PLCG2: variants seen among roughly 807,000 people sequenced by gnomAD.
The protein encoded by PLCG2 is 1-phosphatidylinositol 4,5-bisphosphate phosphodiesterase gamma-2.
A neutral mutation model predicts 175.6 loss-of-function variants in PLCG2; 69 were observed. The ratio of observed to expected loss-of-function variants is 0.39; its 90% CI spans 0.32 to 0.48. The LOEUF is 0.48. Ranked by LOEUF, PLCG2 falls within the 20% of genes least tolerant of loss-of-function variation. The pLI, the probability that PLCG2 is intolerant of heterozygous loss-of-function variation, is 0.91. For missense variants in PLCG2, 1,798 were observed against 1,650.9 expected, an observed-to-expected ratio of 1.09 and a Z score of -1.54; for synonymous variants, 827 against 624.0, an observed-to-expected ratio of 1.33 and a Z score of -4.85.
chr16:81,760,276 T>G (rs1034428046), intron 2 of PLCG2, among the ~76,000 whole-genome samples: 1 of 152,190 alleles, frequency 6.6e-6, no homozygotes, highest in African/African-American at 2.4e-5. Flanking sequence ...CAGTGCCCAC[T>G]GCCAGGACTG....
At chr16:81,901,098 T>C (rs1322529979) in intron 14 of PLCG2, among the ~76,000 whole-genome samples, 1 of 152,252 alleles carries the variant, frequency 6.6e-6, no homozygotes, top group East Asian at 1.9e-4. Flanking sequence ...CGTTAAGTGC[T>C]AACCTGTTAT....
intron 2 of PLCG2, among the ~76,000 whole-genome samples, chr16:81,763,834 G>A (rs554956219): frequency 7.6e-4 from 116 of 151,954 alleles, no homozygotes; most frequent in Admixed American, 1.2e-3. Flanking sequence ...GGGCGTGGTG[G>A]CAGGCACTTG....
intron 7 of PLCG2, among the ~76,000 whole-genome samples, chr16:81,872,058 G>C (rs1907542663): frequency 6.6e-6 from 1 of 152,212 alleles, no homozygotes; most frequent in South Asian, 2.1e-4. Flanking sequence ...GCCAGGTGCA[G>C]TGGTTGACGC....
intron 7 of PLCG2, among the ~76,000 whole-genome samples, chr16:81,875,927 C>G (rs1907759984): frequency 6.6e-6 from 1 of 151,176 alleles, no homozygotes; most frequent in Non-Finnish European, 1.5e-5. Flanking sequence ...AGAGATCTTG[C>G]AGTTTATTCT....
chr16:81,905,422 G>A lies in PLCG2; in HGVS notation c.1382G>A (p.Arg461Gln), dbSNP rs3935625. The change falls in exon 15 of 33, where the codon CGA (arginine) becomes CAA (glutamine). Residue 461 changes from arginine to glutamine, a missense_variant. Arg to Gln is a conservative substitution (Grantham distance 43). Coordinates refer to ENST00000564138, the MANE Select transcript of PLCG2 (RefSeq NM_002661.5). Reference protein sequence around the residue: ...IIIKHKKLGPRGDVDVNMEDK... With the variant: ...IIIKHKKLGPQGDVDVNMEDK... ...CCTCAGCATAAGAAGCTGGGCCCCC[G>A]AGGCGATGTGGATGTCAACATGGAG... The A allele has an allele frequency of 3.7e-6, 6 of 1,613,990 alleles. No homozygotes were observed. The highest frequency in any genetic ancestry group is 1.3e-5 in the African/African-American group (1 of 75,050).
At chr16:81,919,294 G>C (rs1307474159) in intron 19 of PLCG2, among the ~76,000 whole-genome samples, 190 bp from the exon 20 acceptor site, 1 of 152,170 alleles carries the variant, frequency 6.6e-6, no homozygotes, top group Non-Finnish European at 1.5e-5. Context: ...GATTCTTCTA[G>C]ATCTGTTTTG....
chr16:81,868,050 C>G (rs1479838826), intron 5 of PLCG2, among the ~76,000 whole-genome samples: 1 of 152,204 alleles, frequency 6.6e-6, no homozygotes, highest in Admixed American at 6.5e-5. Flanking sequence ...CGAAGAAACA[C>G]TCATGCAGAT....
chr16:81,788,380 A>G (rs867419321), intron 2 of PLCG2, among the ~76,000 whole-genome samples: 1 of 152,174 alleles, frequency 6.6e-6, no homozygotes, highest in Non-Finnish European at 1.5e-5. Flanking sequence ...TCCCGGATTC[A>G]TGCCATTCTC....
intron 1 of PLCG2, among the ~76,000 whole-genome samples, chr16:81,751,385 G>C (rs756524947): frequency 6.6e-6 from 1 of 152,168 alleles, no homozygotes; most frequent in Non-Finnish European, 1.5e-5. Flanking sequence ...AGAAAGACAA[G>C]TGTCACATGT....
At chr16:81,875,268 C>G (rs750356167) in intron 7 of PLCG2, among the ~76,000 whole-genome samples, 1 of 152,016 alleles carries the variant, frequency 6.6e-6, no homozygotes, top group Non-Finnish European at 1.5e-5. Flanking sequence ...CCAACCTGCT[C>G]TATGTGTTTT....
intron 2 of PLCG2, among the ~76,000 whole-genome samples, chr16:81,826,862 G>A (rs1905068615): frequency 6.6e-6 from 1 of 152,100 alleles, no homozygotes; most frequent in Non-Finnish European, 1.5e-5. Flanking sequence ...TAATTGCTGG[G>A]TTTTTAAAAA....
intron 2 of PLCG2, among the ~76,000 whole-genome samples, chr16:81,825,294 T>G (rs867129411): frequency 1.4e-5 from 2 of 137,982 alleles, no homozygotes; most frequent in African/African-American, 5.8e-5. Context: ...TTTTTTTTTT[T>G]TTTTTTTTTT....
chr16:81,794,533 G>C (rs1207677338), intron 2 of PLCG2, among the ~76,000 whole-genome samples: 1 of 152,124 alleles, frequency 6.6e-6, no homozygotes, highest in Non-Finnish European at 1.5e-5. Context: ...AAGAAGGGCT[G>C]TCAAATCCTG....
chr16:81,957,985 A>C lies in PLCG2; in HGVS notation c.3785A>C (p.Lys1262Thr). The change falls in exon 33 of 33, where the codon AAG (lysine) becomes ACG (threonine). Residue 1262 changes from lysine to threonine, a missense_variant. By Grantham distance (78) the Lys-to-Thr change is moderately conservative (BLOSUM62 -1). Coordinates refer to ENST00000564138, the MANE Select transcript of PLCG2 (RefSeq NM_002661.5). ...RLREKRVSNS[K>T]FYS is the part of the protein sequence containing the mutation. ...AGAGAGAAGAGAGTCAGCAACAGCA[A>C]GTTTTACTCATAGAAGCTGGGGTAT... 1 of 1,612,966 alleles carries C rather than the reference A, an allele frequency of 6.2e-7. No homozygotes were observed.
chr16:81,909,099 T>C (rs1433748729), intron 17 of PLCG2, among the ~76,000 whole-genome samples: 1 of 152,254 alleles, frequency 6.6e-6, no homozygotes, highest in Admixed American at 6.5e-5. Context: ...TAAAAGATAC[T>C]TCTTGAGGGC....
chr16:81,775,974 C>G (rs1910390037), upstream of PLCG2, among the ~76,000 whole-genome samples: 1 of 151,864 alleles, frequency 6.6e-6, no homozygotes, highest in African/African-American at 2.4e-5. Context: ...TCAAATCCAG[C>G]CCCCACCACC....
intron 32 of PLCG2, among the ~76,000 whole-genome samples, chr16:81,957,625 C>A (rs1002738195): frequency 1.3e-5 from 2 of 152,122 alleles, no homozygotes; most frequent in Non-Finnish European, 2.9e-5. Flanking sequence ...CATAATATGT[C>A]TAAATCTTCT....
At chr16:81,784,322 C>T (rs1415360449) in intron 1 of PLCG2, among the ~76,000 whole-genome samples, 1 of 152,230 alleles carries the variant, frequency 6.6e-6, no homozygotes, top group African/African-American at 2.4e-5. Context: ...TAACTGAGAC[C>T]CTGGTAAATG....
Position 81,770,936 on chromosome 16 carries a change from T to C in PLCG2, c.-48+14970T>C, listed in dbSNP as rs139279873. On this transcript the variant is annotated intron_variant, in intron 2 of 5. Transcript: ENST00000565054. ...AGCTGGGCGTGGTTGCAGGTGCCTG[T>C]GGTCCCAGCTACTCGGGAGGCTGAG... is the stretch of plus-strand genomic sequence containing the variant. Among the ~76,000 whole-genome samples, 746 of 151,792 alleles carry C rather than the reference T, an allele frequency of 4.9e-3. 3 individuals are homozygous for C. The highest frequency in any genetic ancestry group is 0.017 in the African/African-American group (698 of 41,406).
Sources: gnomAD v4.1 joint callset for allele counts (sites outside exome capture counted in the v4.1 genomes callset) on GRCh38, gnomAD v4.1.1 for gene constraint, MANE v1.5 for transcripts, NCBI Gene and HGNC (gene_info 2026-07-23, HGNC 2026-07-21) for gene names.